The following STAB2 variants were observed in gnomAD, a reference collection of about 807,000 sequenced individuals.
The protein encoded by STAB2 is stabilin-2.
In STAB2, 288 loss-of-function variants were observed where a neutral mutation model predicts 338.1. The observed-to-expected ratio is 0.85, with a 90% CI of 0.77 to 0.94. The LOEUF is 0.94. Ranked by LOEUF, STAB2 falls within the 40% of genes least tolerant of loss-of-function variation. STAB2 has a pLI of 0.00. For missense variants in STAB2, 3,141 were observed against 3,210.1 expected (o/e 0.98, Z 0.52); for synonymous variants, 1,202 against 1,193.3 (o/e 1.01, Z -0.15).
intron 3 of STAB2, among the ~76,000 whole-genome samples, chr12:103,613,366 C>G (rs927860151): frequency 6.6e-6 from 1 of 152,198 alleles, no homozygotes; most frequent in African/African-American, 2.4e-5. Context: ...CTTTGTTTAC[C>G]TGCTGAAGCC....
rs189445298 is a variant in STAB2, at chr12:103,713,937, G to A, written c.4537+169G>A. On this transcript the variant is annotated intron_variant, in intron 42 of 68. Transcript: ENST00000388887. ...GGAAAAGTGACCACAGGGTATGAAG[G>A]CATGTCATGTCCAAAAATTACTTCG... Among the ~76,000 whole-genome samples, 4 of 152,234 alleles carry A rather than the reference G, an allele frequency of 2.6e-5. No individual in the cohort carries two copies. The South Asian group carries it at 8.3e-4, about 32-fold the overall frequency.
intron 67 of STAB2, 86 bp from the exon 68 acceptor site, chr12:103,763,406 A>G: frequency 9.2e-7 from 1 of 1,084,968 alleles, no homozygotes; most frequent in Non-Finnish European, 1.4e-6. Flanking sequence ...CCAGAGGCAA[A>G]GGGTGGCTTG....
At chr12:103,661,937 G>T (rs1254082825) in intron 17 of STAB2, among the ~76,000 whole-genome samples, 2 of 152,152 alleles carry the variant, frequency 1.3e-5, no homozygotes, top group African/African-American at 4.8e-5. Context: ...TCAGGGTAAG[G>T]ATGCAGGCTC....
intron 3 of STAB2, among the ~76,000 whole-genome samples, chr12:103,610,517 T>A (rs1268430373): frequency 6.6e-6 from 1 of 152,228 alleles, no homozygotes; most frequent in Non-Finnish European, 1.5e-5. Flanking sequence ...TGTATTTCTG[T>A]GGGATCGGTG....
At position 103,632,373 on chromosome 12, in the gene STAB2, C is replaced by T. The variant is rs757138024; in HGVS notation, c.583+680C>T. Among the ~76,000 whole-genome samples, 6 of 152,096 alleles carry T rather than the reference C, an allele frequency of 3.9e-5. No individual in the cohort carries two copies. The East Asian group carries it at 7.7e-4, about 19-fold the overall frequency. On this transcript the variant is annotated intron_variant, in intron 6 of 68. Transcript: ENST00000388887. ...AAGGAGAAATTTGGAATGGGGTGGC[C>T]GTCCCCAAGGCTGGATTTAAACCTT...
chr12:103,744,231 C>A (rs912434705), intron 56 of STAB2, among the ~76,000 whole-genome samples: 4 of 151,934 alleles, frequency 2.6e-5, no homozygotes, highest in African/African-American at 7.3e-5. Flanking sequence ...GCAGCCTCAA[C>A]CTCCTGGGCT....
chr12:103,639,440 T>C (rs1957602998), intron 8 of STAB2, among the ~76,000 whole-genome samples: 3 of 152,088 alleles, frequency 2.0e-5, no homozygotes, highest in Non-Finnish European at 1.5e-5. Context: ...TGGTGGCTCA[T>C]TCCTGTAATC....
chr12:103,716,147 A>G (rs890192574), intron 43 of STAB2, among the ~76,000 whole-genome samples: 3 of 152,254 alleles, frequency 2.0e-5, no homozygotes, highest in Non-Finnish European at 4.4e-5. Context: ...ATGTGATTCC[A>G]GAAGCATCTA....
chr12:103,724,630 C>T (rs566855255), intron 44 of STAB2, among the ~76,000 whole-genome samples: 8 of 152,282 alleles, frequency 5.3e-5, no homozygotes, highest in African/African-American at 1.9e-4. Context: ...TTCCTATGAT[C>T]AGAGTTTAGC....
chr12:103,607,370 G>GT (rs1295377129), intron 3 of STAB2, among the ~76,000 whole-genome samples: 1 of 137,282 alleles, frequency 7.3e-6, no homozygotes, highest in Non-Finnish European at 1.5e-5. Context: ...CTTCATTTTG[G>GT]TTTTTTGTTC....
chr12:103,730,884 A>G (rs1881582059), intron 49 of STAB2, among the ~76,000 whole-genome samples: 2 of 152,124 alleles, frequency 1.3e-5, no homozygotes. Context: ...CCCTGTTTCT[A>G]CTAAAAATAC....
chr12:103,720,935 CTT>C (rs1880713447), intron 44 of STAB2, among the ~76,000 whole-genome samples: 1 of 152,196 alleles, frequency 6.6e-6, no homozygotes, highest in African/African-American at 2.4e-5. Context: ...GTTTTCTTCT[CTT>C]TTCACATCAG....
intron 54 of STAB2, 129 bp downstream of exon 54, chr12:103,739,597 TG>T: frequency 5.5e-6 from 4 of 723,410 alleles, no homozygotes; most frequent in Non-Finnish European, 8.0e-6. Flanking sequence ...GTTGCATAAA[TG>T]TAATTTATGT....
At chr12:103,744,461 C>CTTTTT (rs3035275) in intron 56 of STAB2, among the ~76,000 whole-genome samples, 1 of 122,470 alleles carries the variant, frequency 8.2e-6, no homozygotes, top group African/African-American at 3.3e-5. Context: ...CACAATTTTA[C>CTTTTT]TTTTTTTTTT....
At chr12:103,739,359 C>T in intron 53 of STAB2, 53 bp from the exon 54 acceptor site, 2 of 1,486,990 alleles carry the variant, frequency 1.3e-6, no homozygotes, top group South Asian at 1.3e-5. Flanking sequence ...GGAACATTTC[C>T]TTGTGTTTTC....
intron 10 of STAB2, among the ~76,000 whole-genome samples, chr12:103,649,591 G>T (rs368823083): frequency 1.3e-5 from 2 of 152,184 alleles, no homozygotes; most frequent in African/African-American, 4.8e-5. Flanking sequence ...TGCCAAAAAT[G>T]ATCTCCCAGC....
chr12:103,721,952 A>C (rs11111735), intron 44 of STAB2, among the ~76,000 whole-genome samples: 35 of 152,326 alleles, frequency 2.3e-4, no homozygotes, highest in Middle Eastern at 3.4e-3. Context: ...ACTCATGAAG[A>C]TAAGGATGGC....
chr12:103,622,128 T>C lies in STAB2; in HGVS notation c.487+17T>C, dbSNP rs780277644. The stretch of plus-strand genomic sequence containing the variant: ...GTTCATCAGGTATGTCTGATTTTTG[T>C]GTAATCACCACATTTGTAAGGGTTG... On this transcript the variant is annotated intron_variant, in intron 5 of 68. Coordinates refer to ENST00000388887, the MANE Select transcript of STAB2 (RefSeq NM_017564.10). The C allele has an allele frequency of 1.9e-6, 3 of 1,613,922 alleles. No individual in the cohort carries two copies. In the East Asian group the frequency reaches 6.7e-5, roughly 36 times the overall value.
chr12:103,654,100 C>T (rs908563648), intron 12 of STAB2, among the ~76,000 whole-genome samples: 2 of 152,204 alleles, frequency 1.3e-5, no homozygotes, highest in Non-Finnish European at 2.9e-5. Flanking sequence ...TTTACCTGTT[C>T]ATTCATTCAA....
Sources: gnomAD v4.1 joint callset for allele counts (sites outside exome capture counted in the v4.1 genomes callset) on GRCh38, gnomAD v4.1.1 for gene constraint, MANE v1.5 for transcripts, NCBI Gene and HGNC (gene_info 2026-07-23, HGNC 2026-07-21) for gene names.